The following ANKRD36C variants were observed in gnomAD, a reference collection of about 807,000 sequenced individuals.
ANKRD36C encodes ankyrin repeat domain-containing protein 36C.
Under a neutral mutation model 276.4 loss-of-function variants are expected in ANKRD36C, and 61 were observed. The observed-to-expected ratio is 0.22, with a 90% confidence interval of 0.18 to 0.27. The LOEUF is 0.27. ANKRD36C is among the 10% of genes least tolerant of loss of function. ANKRD36C has a pLI of 1.00. For synonymous variants in ANKRD36C, 483 were observed against 680.1 expected (o/e 0.71, Z 4.51); for missense variants, 1,447 against 2,032.3 (o/e 0.71, Z 5.54).
chr2:95,914,173 C>T (rs1405289939), exon 40 of ANKRD36C: 3 of 1,584,712 alleles, frequency 1.9e-6, no homozygotes, highest in South Asian at 2.3e-5. Context: ...TTCCTCGTCA[C>T]TTGTAGCCTG....
intron 22 of ANKRD36C, among the ~76,000 whole-genome samples, chr2:95,937,262 A>G (rs930008181): frequency 4.6e-5 from 7 of 152,304 alleles, no homozygotes; most frequent in Admixed American, 1.3e-4. Flanking sequence ...TCTCTGCTCA[A>G]TGCAGCAACA....
At chr2:95,939,239 T>C (rs1211205402) in intron 20 of ANKRD36C, among the ~76,000 whole-genome samples, 2 of 151,962 alleles carry the variant, frequency 1.3e-5, no homozygotes, top group African/African-American at 4.9e-5. Flanking sequence ...GCAGTCCAGA[T>C]TGCAAGGGTG....
At chr2:95,921,002 C>T (rs2104421769) in intron 34 of ANKRD36C, among the ~76,000 whole-genome samples, 1 of 150,404 alleles carries the variant, frequency 6.6e-6, no homozygotes, top group African/African-American at 2.5e-5. Context: ...CCAGTAGTTC[C>T]TGGAGCTGCC....
chr2:95,986,736 T>C lies in ANKRD36C; in HGVS notation c.486+15A>G. On this transcript the variant is annotated intron_variant, in intron 3 of 66. Coordinates refer to ENST00000456556, the Ensembl canonical transcript of ANKRD36C. ...CATTTCAGATAGTTTGAAAATAACA[T>C]TGGTTGACCTATACCTCGCTGCATT... The C allele has an allele frequency of 6.3e-7, 1 of 1,592,778 alleles. No individual in the cohort carries two copies. The highest frequency in any genetic ancestry group is 1.3e-5 in the African/African-American group (1 of 74,124).
intron 40 of ANKRD36C, 54 bp from the exon 43 acceptor site, chr2:95,912,489 C>T (rs1676962117): frequency 6.2e-6 from 10 of 1,601,996 alleles, no homozygotes; most frequent in Non-Finnish European, 8.5e-6. Flanking sequence ...ATAAAGTTAT[C>T]CATACATTCG....
At chr2:95,879,040 C>A (rs1327711172) in intron 58 of ANKRD36C, among the ~76,000 whole-genome samples, 8 of 152,108 alleles carry the variant, frequency 5.3e-5, no homozygotes, top group Non-Finnish European at 8.8e-5. Context: ...TCCACAATAG[C>A]CATAATTTGG....
chr2:95,921,236 A>G lies in ANKRD36C; in HGVS notation c.2245+371T>C, dbSNP rs544982712. ...TATCAGTTTTCTGTCTTTTCTCAGC[A>G]GTACGATGTGATGTCTGTAAAATCT... is the stretch of plus-strand genomic sequence containing the variant. On this transcript the variant is annotated intron_variant, in intron 34 of 66. Coordinates refer to ENST00000456556, the Ensembl canonical transcript of ANKRD36C. Among the ~76,000 whole-genome samples, 32 of 150,688 alleles carry G rather than the reference A, an allele frequency of 2.1e-4. 1 individual carries two copies. The highest frequency in any genetic ancestry group is 7.9e-4 in the African/African-American group (32 of 40,520).
chr2:95,851,653 A>T, intron 66 of ANKRD36C, 41 bp downstream of exon 86: 1 of 1,420,946 alleles, frequency 7.0e-7, no homozygotes, highest in Non-Finnish European at 9.7e-7. Context: ...GGAAAAATAA[A>T]ATTCCTTTTC....
At chr2:95,973,929 C>A (rs1678751951) in intron 6 of ANKRD36C, among the ~76,000 whole-genome samples, 1 of 151,684 alleles carries the variant, frequency 6.6e-6, no homozygotes, top group Admixed American at 6.6e-5. Flanking sequence ...ATGCTTGTAG[C>A]AGTATCAGCG....
chr2:95,986,616 C>CAGTT (rs1335785057), intron 3 of ANKRD36C, 135 bp downstream of exon 3: 1 of 1,155,310 alleles, frequency 8.7e-7, no homozygotes, highest in Non-Finnish European at 1.2e-6. Context: ...AAATCTTAGA[C>CAGTT]AGTTAAGGCA....
intron 44 of ANKRD36C, chr2:95,894,293 T>G (rs561254673): frequency 6.4e-6 from 1 of 156,976 alleles, no homozygotes; most frequent in African/African-American, 2.4e-5. Context: ...ATAATGTTCA[T>G]TATCTCTCAC....
At chr2:95,902,323 G>A (rs1356886573) in intron 42 of ANKRD36C, among the ~76,000 whole-genome samples, 1 of 149,056 alleles carries the variant, frequency 6.7e-6, no homozygotes, top group Non-Finnish European at 1.5e-5. Context: ...TATTTGTTAT[G>A]AAAATATTCC....
intron 26 of ANKRD36C, 41 bp from the exon 27 acceptor site, chr2:95,927,450 A>G: frequency 6.2e-7 from 1 of 1,604,172 alleles, no homozygotes; most frequent in Non-Finnish European, 8.5e-7. Context: ...ACATGTACAT[A>G]TGATAAATTT....
intron 14 of ANKRD36C, among the ~76,000 whole-genome samples, chr2:95,953,649 C>G (rs1678255692): frequency 6.6e-6 from 1 of 151,628 alleles, no homozygotes; most frequent in African/African-American, 2.4e-5. Context: ...TTTGTATATC[C>G]TCTACTGTGG....
At chr2:95,890,160 A>C (rs1465452107) in intron 46 of ANKRD36C, among the ~76,000 whole-genome samples, 166 bp from the exon 67 acceptor site, 1 of 151,524 alleles carries the variant, frequency 6.6e-6, no homozygotes, top group Non-Finnish European at 1.5e-5. Context: ...AGTACACTGA[A>C]AAAAGGGAAT....
intron 52 of ANKRD36C, among the ~76,000 whole-genome samples, chr2:95,885,212 A>G (rs1477458132): frequency 6.6e-6 from 1 of 151,540 alleles, no homozygotes; most frequent in African/African-American, 2.4e-5. Context: ...TTTTGTTTCT[A>G]TAATAGTCTT....
chr2:95,914,952 A>C (rs1677049112), intron 38 of ANKRD36C, among the ~76,000 whole-genome samples: 1 of 151,496 alleles, frequency 6.6e-6, no homozygotes, highest in South Asian at 2.1e-4. Flanking sequence ...ACGTTTCTTC[A>C]TCCACTCATG....
chr2:95,960,174 G>A (rs201535750), intron 10 of ANKRD36C, among the ~76,000 whole-genome samples: 1 of 151,256 alleles, frequency 6.6e-6, no homozygotes, highest in Non-Finnish European at 1.5e-5. Context: ...TCTTGATGGA[G>A]ACATGCTGTA....
chr2:95,987,476 A>G (rs2579527), intron 1 of ANKRD36C, among the ~76,000 whole-genome samples: 1 of 151,962 alleles, frequency 6.6e-6, no homozygotes, highest in African/African-American at 2.4e-5. Context: ...AATAAAATAT[A>G]TAAGAGAATA....
Sources: allele counts gnomAD v4.1 joint callset (sites outside exome capture counted in the v4.1 genomes callset), GRCh38; gene constraint gnomAD v4.1.1; transcripts MANE v1.5; gene names NCBI Gene and HGNC (gene_info 2026-07-23, HGNC 2026-07-21).